Variants in WWOX observed in about 807,000 individuals in gnomAD.
The protein encoded by WWOX is WW domain containing oxidoreductase.
A neutral mutation model predicts 46.2 loss-of-function variants in WWOX; 69 were observed. The ratio of observed to expected loss-of-function variants is 1.49; its 90% CI spans 1.23 to 1.82. The LOEUF is 1.82. Among genes scored for constraint, WWOX ranks in the 40% most tolerant of loss-of-function variants. WWOX has a pLI of 0.00. For synonymous variants in WWOX, 359 were observed against 202.6 expected (o/e 1.77, Z -6.56); for missense variants, 919 against 542.6 (o/e 1.69, Z -6.89).
chr16:78,235,602 G>T (rs4888766), intron 5 of WWOX, among the ~76,000 whole-genome samples: 128,515 of 152,198 alleles, frequency 0.84, 54,758 homozygotes, highest in African/African-American at 0.96. Context: ...GGTGTCTTTT[G>T]TCTTTTGCAG....
At chr16:78,945,501 T>A (rs947747505) in intron 8 of WWOX, among the ~76,000 whole-genome samples, 1 of 152,230 alleles carries the variant, frequency 6.6e-6, no homozygotes, top group African/African-American at 2.4e-5. Context: ...TTGACCAATT[T>A]TTGTAAATCT....
chr16:78,936,763 G>T (rs533020333), intron 8 of WWOX, among the ~76,000 whole-genome samples: 1 of 150,160 alleles, frequency 6.7e-6, no homozygotes, highest in Non-Finnish European at 1.5e-5. Context: ...TATGAGTTAA[G>T]TAAAAAAAAA....
chr16:78,429,237 A>G (rs7206086), intron 7 of WWOX, among the ~76,000 whole-genome samples: 1 of 152,230 alleles, frequency 6.6e-6, no homozygotes, highest in Non-Finnish European at 1.5e-5. Flanking sequence ...CAGATAGAAC[A>G]GAAGGATGGC....
chr16:78,291,546 A>G (rs936210122), intron 5 of WWOX, among the ~76,000 whole-genome samples: 1 of 152,084 alleles, frequency 6.6e-6, no homozygotes, highest in Non-Finnish European at 1.5e-5. Flanking sequence ...GAGGTTTCTT[A>G]TTATTTCGGT....
intron 8 of WWOX, among the ~76,000 whole-genome samples, chr16:78,971,719 C>T (rs1365019120): frequency 1.3e-5 from 2 of 150,702 alleles, no homozygotes; most frequent in African/African-American, 4.9e-5. Context: ...CGCCCCCCCA[C>T]CCCGATCCCC....
intron 8 of WWOX, among the ~76,000 whole-genome samples, chr16:79,199,607 C>A (rs545582996): frequency 9.9e-5 from 15 of 152,228 alleles, no homozygotes; most frequent in African/African-American, 3.6e-4. Context: ...TGCAAGAGTT[C>A]AGCTAAAATT....
intron 7 of WWOX, 146 bp from the exon 8 acceptor site, chr16:78,432,342 G>C: frequency 9.4e-7 from 1 of 1,062,384 alleles, no homozygotes; most frequent in Non-Finnish European, 1.4e-6. Flanking sequence ...CCGACCTCAG[G>C]TGATCCACTC....
intron 5 of WWOX, among the ~76,000 whole-genome samples, chr16:78,377,553 A>G (rs1484225865): frequency 2.6e-5 from 4 of 152,226 alleles, no homozygotes; most frequent in Non-Finnish European, 4.4e-5. Context: ...AAAAGCTCTT[A>G]CTTCAATAGC....
chr16:78,429,027 G>A (rs2083154130), intron 7 of WWOX, among the ~76,000 whole-genome samples: 1 of 152,102 alleles, frequency 6.6e-6, no homozygotes, highest in African/African-American at 2.4e-5. Context: ...TAAGGACTTG[G>A]TCCTTGGATT....
At chr16:78,704,194 G>C (rs955431886) in intron 8 of WWOX, among the ~76,000 whole-genome samples, 12 of 151,358 alleles carry the variant, frequency 7.9e-5, no homozygotes, top group African/African-American at 2.7e-4. Flanking sequence ...TAACCTCTCT[G>C]AGCCTCAACA....
intron 8 of WWOX, among the ~76,000 whole-genome samples, chr16:79,089,857 T>A (rs2048922008): frequency 6.6e-6 from 1 of 151,538 alleles, no homozygotes. Context: ...GCCCCTGTTG[T>A]CATGCTGGAT....
intron 8 of WWOX, among the ~76,000 whole-genome samples, chr16:78,704,190 C>G (rs1263544408): frequency 6.6e-6 from 1 of 151,720 alleles, no homozygotes; most frequent in African/African-American, 2.4e-5. Context: ...TATGTAACCT[C>G]TCTGAGCCTC....
chr16:78,993,325 C>G (rs557133810), intron 8 of WWOX, among the ~76,000 whole-genome samples: 4 of 152,118 alleles, frequency 2.6e-5, no homozygotes, highest in African/African-American at 9.7e-5. Flanking sequence ...AAAAGGGAAT[C>G]TCAGATGTTT....
At chr16:78,976,285 T>C (rs928224847) in intron 8 of WWOX, among the ~76,000 whole-genome samples, 9 of 152,242 alleles carry the variant, frequency 5.9e-5, no homozygotes, top group African/African-American at 2.2e-4. Context: ...CTCCTACTTC[T>C]TTCTGATCTT....
chr16:78,542,685 C>G (rs768175927), intron 8 of WWOX, among the ~76,000 whole-genome samples: 4 of 152,216 alleles, frequency 2.6e-5, no homozygotes, highest in Non-Finnish European at 4.4e-5. Flanking sequence ...CACAGAAACA[C>G]ATATTAAATA....
chr16:78,545,380 T>TA (rs142002637), intron 8 of WWOX, among the ~76,000 whole-genome samples: 102 of 151,144 alleles, frequency 6.7e-4, no homozygotes, highest in East Asian at 1.9e-3. Context: ...CCATTTCTTT[T>TA]AAAAAAAAAA....
At chr16:78,417,923 T>C (rs2082836286) in intron 6 of WWOX, among the ~76,000 whole-genome samples, 1 of 152,192 alleles carries the variant, frequency 6.6e-6, no homozygotes, top group Admixed American at 6.5e-5. Flanking sequence ...GGAAAACAGA[T>C]GAGGCAACAG....
chr16:78,854,393 A>G (rs952994123), intron 8 of WWOX, among the ~76,000 whole-genome samples: 1 of 152,200 alleles, frequency 6.6e-6, no homozygotes, highest in Non-Finnish European at 1.5e-5. Flanking sequence ...TTATCATGAA[A>G]CACATTCTAA....
intron 8 of WWOX, among the ~76,000 whole-genome samples, chr16:78,633,622 T>G (rs937519565): frequency 3.3e-5 from 5 of 152,148 alleles, no homozygotes; most frequent in African/African-American, 1.2e-4. Flanking sequence ...GGTCTCCTCC[T>G]TTTCATAAAC....
Sources: allele counts gnomAD v4.1 joint callset (sites outside exome capture counted in the v4.1 genomes callset), GRCh38; gene constraint gnomAD v4.1.1; transcripts MANE v1.5; gene names NCBI Gene and HGNC (gene_info 2026-07-23, HGNC 2026-07-21).